EPSTI1: variants seen among roughly 807,000 people sequenced by gnomAD.
EPSTI1 encodes the protein epithelial stromal interaction 1.
EPSTI1 carries 66 observed loss-of-function variants against 49.9 expected under a neutral mutation model. The ratio of observed to expected loss-of-function variants is 1.32; its 90% confidence interval spans 1.08 to 1.62. The LOEUF (loss-of-function observed/expected upper bound fraction) is 1.62, where lower values mean the gene tolerates loss of function less well. Ranked by LOEUF, EPSTI1 falls within the 40% of genes most tolerant of loss-of-function variation. The pLI is 0.00. For missense variants in EPSTI1, 394 were observed against 365.5 expected (o/e 1.08, Z -0.64); for synonymous variants, 137 against 130.7 (o/e 1.05, Z -0.33).
intron 6 of EPSTI1, among the ~76,000 whole-genome samples, chr13:42,947,227 ATG>A (rs1418988569): frequency 1.3e-5 from 2 of 152,162 alleles, no homozygotes; most frequent in East Asian, 3.8e-4. Context: ...TATTCACAAA[ATG>A]TGTTATTTTA....
intron 8 of EPSTI1, among the ~76,000 whole-genome samples, chr13:42,910,023 G>A (rs1011856591): frequency 6.6e-6 from 1 of 152,068 alleles, no homozygotes; most frequent in Non-Finnish European, 1.5e-5. Context: ...ATTTCACAAT[G>A]TTTATATACT....
intron 7 of EPSTI1, among the ~76,000 whole-genome samples, chr13:42,925,770 G>T (rs989256874): frequency 5.3e-5 from 8 of 152,140 alleles, no homozygotes; most frequent in African/African-American, 1.4e-4. Context: ...TCACTTTACT[G>T]ATTCATAGTT....
At chr13:42,917,496 C>A in intron 8 of EPSTI1, 45 bp downstream of exon 8, 1 of 1,476,228 alleles carries the variant, frequency 6.8e-7, no homozygotes, top group Non-Finnish European at 9.4e-7. Flanking sequence ...TTATCTAGTA[C>A]CTCAAATAAA....
intron 8 of EPSTI1, among the ~76,000 whole-genome samples, chr13:42,903,821 T>C (rs994564727): frequency 1.3e-5 from 2 of 152,184 alleles, no homozygotes; most frequent in Non-Finnish European, 2.9e-5. Flanking sequence ...GTGAATTTAT[T>C]TATAAACTTG....
intron 5 of EPSTI1, among the ~76,000 whole-genome samples, chr13:42,962,285 G>A (rs1394102003): frequency 6.6e-6 from 1 of 152,162 alleles, no homozygotes; most frequent in Non-Finnish European, 1.5e-5. Flanking sequence ...GTCTGAGGTA[G>A]GGCTCAAGAT....
Position 42,917,627 on chromosome 13 carries a change from GT to G in EPSTI1, c.658-4del. 1 of 401,318 alleles carries G rather than the reference GT, an allele frequency of 2.5e-6. No individual in the cohort carries two copies. The highest frequency in any genetic ancestry group is 2.0e-5 in the South Asian group (1 of 51,234). The allele number at this position is 401,318 out of a possible 1,614,324, so 24.9% of individuals were successfully genotyped here. A position where few individuals can be genotyped will look rare whatever the true frequency, so the allele number is the denominator to read the frequency against. On this transcript the variant is annotated splice_region_variant and splice_polypyrimidine_tract_variant and intron_variant, in intron 7 of 10. Transcript: ENST00000313624. ...TCTCTGTAAGCCCAGCTTCTGGCCT[GT>G]AAAGGTACAAAGAGAAAAAAAAAAA...
At chr13:42,976,358 G>C (rs1190794453) in intron 1 of EPSTI1, among the ~76,000 whole-genome samples, 1 of 152,124 alleles carries the variant, frequency 6.6e-6, no homozygotes, top group Non-Finnish European at 1.5e-5. Flanking sequence ...ATCTCTCAAG[G>C]TTCCCAGCTA....
intron 1 of EPSTI1, among the ~76,000 whole-genome samples, chr13:42,985,679 G>A (rs2040065474): frequency 6.6e-6 from 1 of 152,176 alleles, no homozygotes; most frequent in African/African-American, 2.4e-5. Context: ...CATGGGCCAG[G>A]AATAGGCTAG....
chr13:42,953,307 G>C (rs1441032831), intron 6 of EPSTI1, among the ~76,000 whole-genome samples: 2 of 150,404 alleles, frequency 1.3e-5, no homozygotes, highest in Non-Finnish European at 3.0e-5. Flanking sequence ...CTAGGACTTT[G>C]AACCCAGATC....
intron 8 of EPSTI1, among the ~76,000 whole-genome samples, chr13:42,905,109 CACAG>C (rs2037462128): frequency 6.6e-6 from 1 of 152,000 alleles, no homozygotes; most frequent in Non-Finnish European, 1.5e-5. Flanking sequence ...TAATTTTTAA[CACAG>C]AGAGATATAA....
intron 6 of EPSTI1, among the ~76,000 whole-genome samples, chr13:42,949,645 A>T (rs1033342952): frequency 2.6e-5 from 4 of 151,868 alleles, no homozygotes; most frequent in African/African-American, 9.7e-5. Context: ...TTGGTCATCA[A>T]GTGGCTGTTA....
rs537918994 is a variant in EPSTI1 at position 42,953,884 on chromosome 13, G to A, written c.563+64C>T. 9.0e-5 allele frequency: 121 copies of A among 1,347,992 alleles called. 1 individual carries two copies. In the South Asian group the frequency reaches 1.3e-3, roughly 15 times the overall value. 83.5% of individuals were successfully genotyped at this position (1,347,992 alleles called of 1,614,324 possible). ...GTGTTTTGACAAGTTAGCATCACCT[G>A]AATTTAAAACCTCTATGAACAATCT... is the stretch of plus-strand genomic sequence containing the variant. On this transcript the variant is annotated intron_variant, in intron 6 of 10. Transcript: ENST00000313624.
intron 6 of EPSTI1, among the ~76,000 whole-genome samples, chr13:42,930,125 C>A (rs188135880): frequency 5.9e-5 from 9 of 152,354 alleles, no homozygotes; most frequent in African/African-American, 2.2e-4. Flanking sequence ...GTCTACATGA[C>A]TCTGACTTAT....
rs548963068 is a variant in EPSTI1 at position 42,918,144 on chromosome 13, A to G, written c.658-520T>C. On this transcript the variant is annotated intron_variant, in intron 7 of 10. Coordinates refer to ENST00000313624, the MANE Select transcript of EPSTI1 (RefSeq NM_033255.5). Reference sequence around the variant, plus strand: ...AGCACTTGCATCCCTAATCTGGATGAAGTTTTATTTCTACCTCTGAAAAGG... The same window carrying G: ...AGCACTTGCATCCCTAATCTGGATGGAGTTTTATTTCTACCTCTGAAAAGG... 9.2e-5 allele frequency among the ~76,000 whole-genome samples: 14 copies of G among 152,280 alleles called. No homozygotes were observed. The East Asian group carries it at 2.7e-3, about 29-fold the overall frequency.
At chr13:42,971,361 T>A (rs1246430558) in intron 1 of EPSTI1, among the ~76,000 whole-genome samples, 1 of 152,186 alleles carries the variant, frequency 6.6e-6, no homozygotes, top group African/African-American at 2.4e-5. Flanking sequence ...CCTGGCACAG[T>A]GTCTGGCACA....
rs1267511464 is a variant in EPSTI1, at chr13:42,964,152, A to C, written c.332-13T>G. ...GACTGGCTTCCACCTTAGGAAAAAA[A>C]AATCCATGAAGGTGAAACATAAATA... On this transcript the variant is annotated splice_polypyrimidine_tract_variant and intron_variant, in intron 3 of 10. Coordinates refer to ENST00000313624, the MANE Select transcript of EPSTI1 (RefSeq NM_033255.5). 3 of 1,611,250 alleles carry C rather than the reference A, an allele frequency of 1.9e-6. No individual in the cohort carries two copies. The highest frequency in any genetic ancestry group is 2.5e-6 in the Non-Finnish European group (3 of 1,178,280).
chr13:42,894,286 A>C (rs957250895), intron 10 of EPSTI1, among the ~76,000 whole-genome samples: 1 of 152,196 alleles, frequency 6.6e-6, no homozygotes, highest in Non-Finnish European at 1.5e-5. Flanking sequence ...ACAGATTTCT[A>C]TCTGATGTGT....
chr13:42,988,886 G>T (rs2040133893), intron 1 of EPSTI1, among the ~76,000 whole-genome samples: 2 of 151,722 alleles, frequency 1.3e-5, no homozygotes, highest in South Asian at 2.1e-4. Flanking sequence ...TTGAGACAGG[G>T]TCTCACTCTG....
At chr13:42,891,559 G>A (rs903548199) in intron 10 of EPSTI1, among the ~76,000 whole-genome samples, 2 of 152,082 alleles carry the variant, frequency 1.3e-5, no homozygotes, top group Non-Finnish European at 2.9e-5. Flanking sequence ...CTGCTTGGTT[G>A]TCTTTCATTA....
Sources: allele counts gnomAD v4.1 joint callset (sites outside exome capture counted in the v4.1 genomes callset), GRCh38; gene constraint gnomAD v4.1.1; transcripts MANE v1.5; gene names NCBI Gene and HGNC (gene_info 2026-07-23, HGNC 2026-07-21).